The following ATF7 variants were observed in gnomAD, a reference collection of about 807,000 sequenced individuals.
The protein encoded by ATF7 is activating transcription factor 7.
In ATF7, 10 loss-of-function variants were observed where a neutral mutation model predicts 50.4. The observed-to-expected ratio is 0.20, with a 90% confidence interval of 0.12 to 0.34. The LOEUF is 0.34. ATF7 is among the 10% of genes least tolerant of loss of function. The probability of loss-of-function intolerance (pLI) is 1.00; values close to 1 mark genes in which losing one functional copy is unlikely to be tolerated. For missense variants in ATF7, 465 were observed against 613.9 expected, an observed-to-expected ratio of 0.76 and a Z score of 2.56; for synonymous variants, 201 against 226.4, an observed-to-expected ratio of 0.89 and a Z score of 1.01.
At chr12:53,584,898 G>A (rs974326887) in intron 2 of ATF7, among the ~76,000 whole-genome samples, 1 of 152,098 alleles carries the variant, frequency 6.6e-6, no homozygotes. Context: ...GGGAAGTGAG[G>A]GATGAACAGG....
At chr12:53,589,046 G>A (rs1178093315) in intron 2 of ATF7, among the ~76,000 whole-genome samples, 2 of 151,912 alleles carry the variant, frequency 1.3e-5, no homozygotes, top group Non-Finnish European at 2.9e-5. Context: ...AAAAGACTTA[G>A]CTGACTGATT....
At chr12:53,578,978 T>C (rs993609904) in intron 2 of ATF7, among the ~76,000 whole-genome samples, 4 of 151,872 alleles carry the variant, frequency 2.6e-5, no homozygotes, top group African/African-American at 9.7e-5. Context: ...CCAGATGTGG[T>C]GCCTCACACA....
intron 2 of ATF7, among the ~76,000 whole-genome samples, chr12:53,597,580 C>T (rs573098461): frequency 2.0e-5 from 3 of 152,196 alleles, no homozygotes; most frequent in Admixed American, 6.5e-5. Flanking sequence ...GAGGCTCAGA[C>T]GGGAGGACCA....
At chr12:53,601,846 TA>T (rs889776126) in intron 1 of ATF7, among the ~76,000 whole-genome samples, 59 of 152,352 alleles carry the variant, frequency 3.9e-4, no homozygotes, top group African/African-American at 1.3e-3. Flanking sequence ...GAAATGGCAC[TA>T]AAAGGCATCA....
intron 1 of ATF7, among the ~76,000 whole-genome samples, chr12:53,615,071 C>T (rs528869341): frequency 2.0e-5 from 3 of 151,422 alleles, no homozygotes; most frequent in East Asian, 1.9e-4. Flanking sequence ...CACGGCAAGA[C>T]GCCATCTCAA....
intron 2 of ATF7, among the ~76,000 whole-genome samples, chr12:53,582,863 C>A (rs868332736): frequency 1.3e-5 from 2 of 152,146 alleles, no homozygotes; most frequent in Admixed American, 1.3e-4. Flanking sequence ...GGATTACAGG[C>A]GTGAGCCACC....
chr12:53,543,136 T>C, intron 4 of ATF7, 194 bp downstream of exon 4: 3 of 1,479,606 alleles, frequency 2.0e-6, no homozygotes, highest in Non-Finnish European at 2.7e-6. Flanking sequence ...AGACTTGTGC[T>C]GATCCATCAT....
At chr12:53,617,745 A>G (rs532684913) in intron 1 of ATF7, among the ~76,000 whole-genome samples, 1 of 152,320 alleles carries the variant, frequency 6.6e-6, no homozygotes, top group South Asian at 2.1e-4. Flanking sequence ...TTATCTTTTT[A>G]TACAAGTTTA....
At position 53,516,974 on chromosome 12, in the gene ATF7, G is replaced by C; in HGVS notation, c.*163C>G. Reference sequence around the variant, plus strand: ...CCCAGCACAGGTGTCAAACGTACATGACCACATGGCTAAAAAGCCCCATAT... The same window carrying C: ...CCCAGCACAGGTGTCAAACGTACATCACCACATGGCTAAAAAGCCCCATAT... On this transcript the variant is annotated 3_prime_UTR_variant, in exon 12 of 12. Transcript: ENST00000420353. 2.5e-6 allele frequency: 2 copies of C among 786,564 alleles called. No individual in the cohort carries two copies. Among genetic ancestry groups the C allele is most frequent in the Non-Finnish European group, 4.1e-6 (2 of 490,314 alleles). 48.7% of individuals were successfully genotyped at this position (786,564 alleles called of 1,614,324 possible).
chr12:53,516,951 C>T lies in ATF7; in HGVS notation c.*186G>A. On this transcript the variant is annotated 3_prime_UTR_variant, in exon 12 of 12. Transcript: ENST00000420353. The stretch of plus-strand genomic sequence containing the variant: ...TGAGGCTCCGGGGCTGGGAGGCCCC[C>T]AGCACAGGTGTCAAACGTACATGAC... The T allele has an allele frequency of 5.8e-6, 4 of 689,632 alleles. No individual in the cohort carries two copies. The highest frequency in any genetic ancestry group is 7.3e-6 in the Non-Finnish European group (3 of 411,848). The allele number at this position is 689,632 out of a possible 1,614,324, so 42.7% of individuals were successfully genotyped here.
rs111391259 is a variant in ATF7 at position 53,532,639 on chromosome 12, GAA to G, written c.661-18_661-17del. The G allele has an allele frequency of 2.0e-3, 2,370 of 1,187,692 alleles. No homozygotes were observed. The highest frequency in any genetic ancestry group is 3.7e-3 in the South Asian group (252 of 67,310). The allele number at this position is 1,187,692 out of a possible 1,614,324, so 73.6% of individuals were successfully genotyped here. On this transcript the variant is annotated splice_polypyrimidine_tract_variant and intron_variant, in intron 7 of 11. Coordinates refer to ENST00000420353, the MANE Select transcript of ATF7 (RefSeq NM_006856.3). ...GTCTGGCCAGCTGGATCGAGAGAAGGAAAAAAAAAAAAAGAGAAGGGAACATA... is the reference window on the plus strand; with the variant it reads ...GTCTGGCCAGCTGGATCGAGAGAAGGAAAAAAAAAAAGAGAAGGGAACATA...
chr12:53,623,883 T>C (rs1944497635), intron 1 of ATF7, among the ~76,000 whole-genome samples: 1 of 152,200 alleles, frequency 6.6e-6, no homozygotes, highest in Non-Finnish European at 1.5e-5. Flanking sequence ...GAGAACAAGA[T>C]ACAGTAAGTA....
At chr12:53,623,845 A>G (rs529128699) in intron 1 of ATF7, among the ~76,000 whole-genome samples, 4 of 152,332 alleles carry the variant, frequency 2.6e-5, no homozygotes, top group African/African-American at 9.6e-5. Flanking sequence ...AACAATTTTC[A>G]TTTTGGGTTG....
rs1231306228 is a variant in ATF7 at position 53,529,664 on chromosome 12, CATATATATATACACACATAT to C, written c.927+2060_927+2079del. 7.8e-3 allele frequency among the ~76,000 whole-genome samples: 1,145 copies of C among 146,394 alleles called. 18 individuals are homozygous for C. The highest frequency in any genetic ancestry group is 0.028 in the African/African-American group (1,107 of 39,706). Reference sequence around the variant, plus strand: ...TAATATATATATATATACACACACACATATATATATACACACATATATATAAATACATATATATATACACA... The same window carrying C: ...TAATATATATATATATACACACACACATATAAATACATATATATATACACA... On this transcript the variant is annotated intron_variant, in intron 9 of 11. Transcript: ENST00000420353.
At chr12:53,536,195 G>A (rs1223661017) in intron 5 of ATF7, among the ~76,000 whole-genome samples, 2 of 151,848 alleles carry the variant, frequency 1.3e-5, no homozygotes, top group African/African-American at 2.4e-5. Context: ...AATTTTATAA[G>A]TATGTACTTT....
intron 2 of ATF7, among the ~76,000 whole-genome samples, chr12:53,594,098 T>C (rs1943056128): frequency 6.6e-6 from 1 of 152,250 alleles, no homozygotes; most frequent in Non-Finnish European, 1.5e-5. Context: ...CTATATGCTA[T>C]ATGTAGTTTT....
At chr12:53,597,796 G>A (rs1943231548) in intron 2 of ATF7, among the ~76,000 whole-genome samples, 1 of 146,386 alleles carries the variant, frequency 6.8e-6, no homozygotes, top group Non-Finnish European at 1.5e-5. Flanking sequence ...GCGACAGAGT[G>A]GAACTCTGTC....
chr12:53,537,697 T>C, intron 4 of ATF7, 145 bp from the exon 5 acceptor site: 1 of 971,780 alleles, frequency 1.0e-6, no homozygotes, highest in Non-Finnish European at 1.5e-6. Context: ...CAAATAAATG[T>C]GGGCCCCTTA....
At chr12:53,508,175 A>C (rs1453603274), downstream of ATF7, 1 of 151,164 alleles carries the variant, frequency 6.6e-6, no homozygotes, top group Non-Finnish European at 1.5e-5. Context: ...CCTGGGTTCA[A>C]GTGATTCTCC....
Sources: gnomAD v4.1 joint callset for allele counts (sites outside exome capture counted in the v4.1 genomes callset) on GRCh38, gnomAD v4.1.1 for gene constraint, MANE v1.5 for transcripts, NCBI Gene and HGNC (gene_info 2026-07-23, HGNC 2026-07-21) for gene names.